TAFA4: variants seen among roughly 807,000 people sequenced by gnomAD.
TAFA4 encodes chemokine-like protein TAFA-4.
A neutral mutation model predicts 21.1 loss-of-function variants in TAFA4; 20 were observed. The observed-to-expected ratio is 0.95, with a 90% CI of 0.67 to 1.38. TAFA4 has a LOEUF of 1.38. TAFA4 is among the 40% of genes most tolerant of loss of function. TAFA4 has a pLI of 0.00. For missense variants in TAFA4, 211 were observed against 180.9 expected (o/e 1.17, Z -0.95); for synonymous variants, 71 against 67.4 (o/e 1.05, Z -0.26).
At chr3:68,742,004 T>A (rs528318146) in intron 4 of TAFA4, among the ~76,000 whole-genome samples, 1 of 152,150 alleles carries the variant, frequency 6.6e-6, no homozygotes, top group Admixed American at 6.5e-5. Flanking sequence ...GAATTGAACA[T>A]CACATTAAGA....
At chr3:68,786,045 C>G (rs1017915871) in intron 3 of TAFA4, among the ~76,000 whole-genome samples, 2 of 152,144 alleles carry the variant, frequency 1.3e-5, no homozygotes, top group African/African-American at 4.8e-5. Flanking sequence ...AAATAAACTA[C>G]GTTAAGTCCC....
intron 3 of TAFA4, among the ~76,000 whole-genome samples, chr3:68,870,726 C>CT: frequency 6.6e-6 from 1 of 152,172 alleles, no homozygotes; most frequent in Admixed American, 6.5e-5. Context: ...TCCTAATACT[C>CT]TCCCTCCCCT....
chr3:68,739,318 G>T, intron 4 of TAFA4, 119 bp from the exon 5 acceptor site: 2 of 1,211,224 alleles, frequency 1.7e-6, no homozygotes, highest in East Asian at 2.4e-5. Context: ...ATTTACGGTT[G>T]GTAAATTGAA....
At chr3:68,809,967 G>C (rs760401852) in intron 3 of TAFA4, among the ~76,000 whole-genome samples, 23 of 152,148 alleles carry the variant, frequency 1.5e-4, no homozygotes, top group Non-Finnish European at 2.9e-4. Flanking sequence ...TTACTTGCTT[G>C]TAGCAGATTT....
At chr3:68,802,218 T>C (rs1006860696) in intron 3 of TAFA4, among the ~76,000 whole-genome samples, 1 of 152,172 alleles carries the variant, frequency 6.6e-6, no homozygotes, top group Non-Finnish European at 1.5e-5. Context: ...CTAATTGACA[T>C]TTTATAAATG....
chr3:68,792,437 T>C (rs893643655), intron 3 of TAFA4, among the ~76,000 whole-genome samples: 1 of 152,172 alleles, frequency 6.6e-6, no homozygotes, highest in Non-Finnish European at 1.5e-5. Flanking sequence ...GGATATGACC[T>C]AGGTGTTCTG....
At chr3:68,800,773 G>A (rs1000470169) in intron 3 of TAFA4, among the ~76,000 whole-genome samples, 1 of 152,192 alleles carries the variant, frequency 6.6e-6, no homozygotes, top group Non-Finnish European at 1.5e-5. Flanking sequence ...AGAAAGTCAA[G>A]TTCTTCTACG....
At chr3:68,921,728 C>T (rs1286460192) in intron 1 of TAFA4, among the ~76,000 whole-genome samples, 3 of 152,204 alleles carry the variant, frequency 2.0e-5, no homozygotes, top group African/African-American at 7.2e-5. Context: ...CTGTATGTCA[C>T]CTGCCGATAG....
chr3:68,873,333 G>GACACACACACACACAC (rs1348018956), intron 3 of TAFA4, among the ~76,000 whole-genome samples: 13 of 46,974 alleles, frequency 2.8e-4, no homozygotes, highest in East Asian at 4.1e-3. Flanking sequence ...GACACACGCA[G>GACACACACACACACAC]ACATACACAC....
intron 2 of TAFA4, among the ~76,000 whole-genome samples, chr3:68,881,068 G>A (rs914695035): frequency 7.2e-5 from 11 of 152,190 alleles, no homozygotes; most frequent in African/African-American, 2.7e-4. Flanking sequence ...TTAGCACTAT[G>A]CATCAGTGAG....
chr3:68,763,129 C>A (rs1301185006), intron 3 of TAFA4, among the ~76,000 whole-genome samples: 1 of 152,110 alleles, frequency 6.6e-6, no homozygotes, highest in East Asian at 1.9e-4. Context: ...TTTAGGTCAA[C>A]AATTGAAGAT....
At chr3:68,888,733 C>T (rs183183119) in intron 1 of TAFA4, among the ~76,000 whole-genome samples, 3 of 150,396 alleles carry the variant, frequency 2.0e-5, no homozygotes, top group Admixed American at 2.0e-4. Context: ...GGAAAGAGTG[C>T]TCAAGAGAGG....
At chr3:68,900,262 TAATAATAATAATAATAATAAC>T (rs1263851364) in intron 1 of TAFA4, among the ~76,000 whole-genome samples, 147 of 76,664 alleles carry the variant, frequency 1.9e-3, no homozygotes, top group African/African-American at 4.5e-3. Context: ...ATAATAATAA[TAATAATAATAATAATAATAAC>T]AATAATAATA....
chr3:68,859,627 G>C (rs571116419), intron 3 of TAFA4, among the ~76,000 whole-genome samples: 4 of 152,054 alleles, frequency 2.6e-5, no homozygotes, highest in African/African-American at 9.7e-5. Context: ...ACTGAGACTT[G>C]GGAAATAATG....
At chr3:68,772,934 T>A (rs1702985640) in intron 3 of TAFA4, among the ~76,000 whole-genome samples, 1 of 152,242 alleles carries the variant, frequency 6.6e-6, no homozygotes, top group African/African-American at 2.4e-5. Flanking sequence ...GCATGTTTCA[T>A]CTTTTTAAAA....
intron 3 of TAFA4, among the ~76,000 whole-genome samples, chr3:68,766,521 A>G (rs997655642): frequency 1.2e-4 from 18 of 150,976 alleles, no homozygotes; most frequent in Non-Finnish European, 1.5e-5. Flanking sequence ...GCATTCTTAA[A>G]TTTTTTAATA....
At chr3:68,797,207 T>C (rs1193419302) in intron 3 of TAFA4, among the ~76,000 whole-genome samples, 1 of 152,158 alleles carries the variant, frequency 6.6e-6, no homozygotes, top group Non-Finnish European at 1.5e-5. Context: ...GCCGTATTCA[T>C]AGTGATATTA....
intron 3 of TAFA4, among the ~76,000 whole-genome samples, chr3:68,783,576 A>T (rs576226700): frequency 6.6e-6 from 1 of 151,948 alleles, no homozygotes; most frequent in Non-Finnish European, 1.5e-5. Context: ...TGATGGCTCT[A>T]TCTGTTTCAG....
intron 3 of TAFA4, among the ~76,000 whole-genome samples, chr3:68,789,141 G>A (rs1703317523): frequency 6.6e-6 from 1 of 151,592 alleles, no homozygotes; most frequent in African/African-American, 2.4e-5. Context: ...TGAGGCAGGA[G>A]AATGGTGTGA....
Sources: allele counts gnomAD v4.1 joint callset (sites outside exome capture counted in the v4.1 genomes callset), GRCh38; gene constraint gnomAD v4.1.1; transcripts MANE v1.5; gene names NCBI Gene and HGNC (gene_info 2026-07-23, HGNC 2026-07-21).